Variants in STAG1 observed in about 807,000 individuals in gnomAD.
STAG1 encodes the protein cohesin subunit SA-1.
Under a neutral mutation model 170.9 loss-of-function variants are expected in STAG1, and 26 were observed. That is an observed-to-expected ratio of 0.15 (90% CI 0.11 to 0.21). The LOEUF (loss-of-function observed/expected upper bound fraction) is 0.21, where lower values mean the gene tolerates loss of function less well. Ranked by LOEUF, STAG1 falls within the 10% of genes least tolerant of loss-of-function variation. The pLI is 1.00. For missense variants in STAG1, 964 were observed against 1,509.5 expected (o/e 0.64, Z 5.99); for synonymous variants, 514 against 497.7 (o/e 1.03, Z -0.44).
Position 136,366,924 on chromosome 3 carries a change from T to C in STAG1, c.2685+19A>G, listed in dbSNP as rs771633152. On this transcript the variant is annotated intron_variant, in intron 25 of 33. Coordinates refer to ENST00000383202, the MANE Select transcript of STAG1 (RefSeq NM_005862.3). ...CTGCCAGTTAGAGGAAGGAGAAAAA[T>C]AAGAATATTTAACTATACCTTCATG... 4 of 1,524,282 alleles carry C rather than the reference T, an allele frequency of 2.6e-6. No homozygotes were observed. The highest frequency in any genetic ancestry group is 3.5e-6 in the Non-Finnish European group (4 of 1,127,122). The allele number at this position is 1,524,282 out of a possible 1,614,324, so 94.4% of individuals were successfully genotyped here. A position where few individuals can be genotyped will look rare whatever the true frequency, so the allele number is the denominator to read the frequency against.
intron 1 of STAG1, chr3:136,736,608 C>A: frequency 6.3e-7 from 1 of 1,586,582 alleles, no homozygotes; most frequent in South Asian, 1.1e-5. Flanking sequence ...ACAACCATCT[C>A]GACTTTCCTC....
At chr3:136,715,171 C>CTT (rs35662353) in intron 1 of STAG1, among the ~76,000 whole-genome samples, 38,451 of 133,694 alleles carry the variant, frequency 0.29, 5,580 homozygotes, top group Middle Eastern at 0.34. Flanking sequence ...GGTTTTTTAA[C>CTT]TTTTTTTTTT....
intron 21 of STAG1, among the ~76,000 whole-genome samples, chr3:136,407,651 A>G (rs185220008): frequency 2.6e-5 from 4 of 152,118 alleles, no homozygotes; most frequent in Non-Finnish European, 4.4e-5. Context: ...TAGTAGAGAC[A>G]GAGTTTCATC....
At chr3:136,511,610 C>T (rs1157142440) in intron 7 of STAG1, among the ~76,000 whole-genome samples, 2 of 152,150 alleles carry the variant, frequency 1.3e-5, no homozygotes, top group African/African-American at 4.8e-5. Flanking sequence ...AAAGCATGAA[C>T]ACACAGACAG....
In STAG1 at chr3:136,421,153, GCTT is replaced by G; in HGVS notation, c.2045_2047del (p.Glu682del). ...AACATTGTAAATGTCATCATCATCAGCTTCTTCTCCCTATAAAAAAAGGAAACA... is the reference window on the plus strand; with the variant it reads ...AACATTGTAAATGTCATCATCATCAGCTTCTCCCTATAAAAAAAGGAAACA... On this transcript the variant is annotated inframe_deletion, in exon 20 of 34. Coordinates refer to ENST00000383202, the MANE Select transcript of STAG1 (RefSeq NM_005862.3). 1 of 1,604,622 alleles carries G rather than the reference GCTT, an allele frequency of 6.2e-7. No individual in the cohort carries two copies. Among genetic ancestry groups the G allele is most frequent in the Non-Finnish European group, 8.5e-7 (1 of 1,175,126 alleles).
chr3:136,419,325 C>T (rs1242488419), intron 20 of STAG1, among the ~76,000 whole-genome samples: 2 of 152,144 alleles, frequency 1.3e-5, no homozygotes, highest in Non-Finnish European at 2.9e-5. Context: ...AGTGCAAAAG[C>T]TATATTCAAA....
rs140460084 is a variant in STAG1, at chr3:136,650,353, T to C, written c.-83-19372A>G. Among the ~76,000 whole-genome samples, 1,129 of 151,846 alleles carry C rather than the reference T, an allele frequency of 7.4e-3. 15 individuals are homozygous for C. The highest frequency in any genetic ancestry group is 0.024 in the African/African-American group (1,013 of 41,406). ...CTTATCAAAATATACAGAATAAATA[T>C]GAAGAAAATAGTCATTTTTAAAGAT... is the stretch of plus-strand genomic sequence containing the variant. On this transcript the variant is annotated intron_variant, in intron 1 of 33. Coordinates refer to ENST00000383202, the MANE Select transcript of STAG1 (RefSeq NM_005862.3).
chr3:136,749,065 C>G (rs1935095466), intron 1 of STAG1, among the ~76,000 whole-genome samples: 1 of 152,168 alleles, frequency 6.6e-6, no homozygotes. Flanking sequence ...AAAGCCTCCA[C>G]TAACCCACAC....
chr3:136,458,021 T>G lies in STAG1; in HGVS notation c.1314-5874A>C, dbSNP rs147877644. Among the ~76,000 whole-genome samples the G allele has an allele frequency of 5.6e-4, 86 of 152,252 alleles. 1 individual carries two copies. In the East Asian group the frequency reaches 0.015, roughly 27 times the overall value. On this transcript the variant is annotated intron_variant, in intron 13 of 33. Coordinates refer to ENST00000383202, the MANE Select transcript of STAG1 (RefSeq NM_005862.3). ...TAAGCAAAATTTTTAAAATGTAAAT[T>G]GAAACACAGAAAAGCCAAAACATGG...
At chr3:136,414,330 C>T (rs1007530740) in intron 21 of STAG1, among the ~76,000 whole-genome samples, 2 of 152,176 alleles carry the variant, frequency 1.3e-5, no homozygotes, top group African/African-American at 4.8e-5. Context: ...TATGTAATAT[C>T]CTAAATCCTT....
chr3:136,736,792 A>T, intron 1 of STAG1: 1 of 1,590,708 alleles, frequency 6.3e-7, no homozygotes, highest in Admixed American at 1.7e-5. Context: ...ACAGCTCAGG[A>T]TCATCCTCCT....
chr3:136,471,283 A>T (rs867265986), intron 12 of STAG1, among the ~76,000 whole-genome samples: 24 of 152,192 alleles, frequency 1.6e-4, no homozygotes, highest in African/African-American at 5.3e-4. Flanking sequence ...ATAACATAGC[A>T]AAGTACTTTA....
chr3:136,512,117 A>G (rs899484733), intron 7 of STAG1, among the ~76,000 whole-genome samples: 1 of 150,846 alleles, frequency 6.6e-6, no homozygotes, highest in Non-Finnish European at 1.5e-5. Context: ...AAAAAAAAAA[A>G]AAAGGAAAGG....
At chr3:136,422,359 A>G (rs1242374472) in intron 19 of STAG1, 51 bp downstream of exon 19, 1 of 1,519,116 alleles carries the variant, frequency 6.6e-7, no homozygotes, top group Non-Finnish European at 9.1e-7. Flanking sequence ...AGCTATCTTA[A>G]GTAATTCTCA....
chr3:136,657,201 T>C (rs1262006703), intron 1 of STAG1, among the ~76,000 whole-genome samples: 1 of 143,488 alleles, frequency 7.0e-6, no homozygotes, highest in Non-Finnish European at 1.5e-5. Flanking sequence ...TTTTTTTTTT[T>C]TTTTTTTTTT....
chr3:136,576,646 T>C (rs547627644), intron 4 of STAG1, among the ~76,000 whole-genome samples: 93 of 152,242 alleles, frequency 6.1e-4, no homozygotes, highest in African/African-American at 2.2e-3. Context: ...AGAGGAAATA[T>C]AAATATATGG....
intron 15 of STAG1, among the ~76,000 whole-genome samples, chr3:136,434,180 T>G (rs577746103): frequency 1.4e-4 from 22 of 152,254 alleles, no homozygotes; most frequent in African/African-American, 5.3e-4. Flanking sequence ...TTAATAGATA[T>G]ATATTTATGT....
intron 28 of STAG1, 46 bp from the exon 29 acceptor site, chr3:136,349,409 A>G (rs1307112743): frequency 7.0e-7 from 1 of 1,427,132 alleles, no homozygotes; most frequent in South Asian, 1.2e-5. Context: ...GAAGCAGTTC[A>G]TACATCACTT....
At chr3:136,412,557 A>G (rs2087653365) in intron 21 of STAG1, among the ~76,000 whole-genome samples, 1 of 152,246 alleles carries the variant, frequency 6.6e-6, no homozygotes, top group South Asian at 2.1e-4. Flanking sequence ...AATATGAATA[A>G]TGAACAAACT....
Sources: gnomAD v4.1 joint callset for allele counts (sites outside exome capture counted in the v4.1 genomes callset) on GRCh38, gnomAD v4.1.1 for gene constraint, MANE v1.5 for transcripts, NCBI Gene and HGNC (gene_info 2026-07-23, HGNC 2026-07-21) for gene names.